Variants in MBD3L1 observed in about 807,000 individuals in gnomAD.
MBD3L1 encodes the protein methyl-CpG binding domain protein 3 like 1, also known as methyl-CpG-binding domain protein 3-like 1.
For missense variants in MBD3L1, 203 were observed against 230.1 expected (o/e 0.88, Z 0.76); for synonymous variants, 84 against 85.1 (o/e 0.99, Z 0.07).
chr19:8,837,902 A>G (rs569809807), intron 1 of MBD3L1, among the ~76,000 whole-genome samples: 37 of 152,248 alleles, frequency 2.4e-4, no homozygotes, highest in African/African-American at 8.7e-4. Flanking sequence ...AAGATGGAGC[A>G]GGCAGAGTTC....
chr19:8,840,066 C>G (rs958394864), intron 1 of MBD3L1, among the ~76,000 whole-genome samples: 1 of 151,832 alleles, frequency 6.6e-6, no homozygotes, highest in African/African-American at 2.4e-5. Flanking sequence ...TGCCTGTAAT[C>G]CCAGCTACTT....
chr19:8,839,506 A>C (rs572839609), intron 1 of MBD3L1, among the ~76,000 whole-genome samples: 1 of 152,144 alleles, frequency 6.6e-6, no homozygotes, highest in African/African-American at 2.4e-5. Flanking sequence ...GGCCATATTT[A>C]GATTTTCTAG....
At chr19:8,836,114 C>T (rs1015078870) in intron 1 of MBD3L1, among the ~76,000 whole-genome samples, 1 of 152,076 alleles carries the variant, frequency 6.6e-6, no homozygotes, top group Admixed American at 6.6e-5. Flanking sequence ...AACCATTTTA[C>T]ACAAAAGTGT....
At chr19:8,837,222 C>A (rs1375321243) in intron 1 of MBD3L1, among the ~76,000 whole-genome samples, 1 of 152,124 alleles carries the variant, frequency 6.6e-6, no homozygotes, top group Non-Finnish European at 1.5e-5. Context: ...ATCAACCCAG[C>A]AATTTTACAG....
intron 1 of MBD3L1, among the ~76,000 whole-genome samples, chr19:8,834,258 T>G (rs2044428390): frequency 6.6e-6 from 1 of 152,140 alleles, no homozygotes; most frequent in African/African-American, 2.4e-5. Flanking sequence ...AAGTTCACTG[T>G]GGAAAGACTG....
intron 1 of MBD3L1, among the ~76,000 whole-genome samples, chr19:8,838,524 T>A (rs927431641): frequency 6.6e-6 from 1 of 152,094 alleles, no homozygotes; most frequent in Non-Finnish European, 1.5e-5. Context: ...AACTCCTAGA[T>A]AAGCACCAAT....
intron 1 of MBD3L1, among the ~76,000 whole-genome samples, chr19:8,834,266 C>CT (rs1425890605): frequency 3.3e-5 from 5 of 152,298 alleles, no homozygotes; most frequent in Admixed American, 3.3e-4. Flanking sequence ...TGTGGAAAGA[C>CT]TGTTCTCTTC....
At chr19:8,837,318 A>G (rs2044465434) in intron 1 of MBD3L1, among the ~76,000 whole-genome samples, 1 of 152,230 alleles carries the variant, frequency 6.6e-6, no homozygotes, top group South Asian at 2.1e-4. Context: ...ATTAGTAACA[A>G]TGGCAAAATA....
Position 8,843,091 on chromosome 19 carries a change from G to A in MBD3L1, c.413G>A (p.Gly138Asp). ...GAGATAATTCCTGCAGAGGGAGTGG[G>A]TATCTCGCAGCTCCTCTGCAAACAA... ...AVEIIPAEGV[G>D]ISQLLCKQFL... is the part of the protein sequence containing the mutation. Residue 138 changes from glycine (G) to aspartate (D), a missense_variant, in exon 3 of 3, where the codon GGT becomes GAT. By Grantham distance (94) the Gly-to-Asp change is moderately conservative. Transcript: ENST00000595891. The A allele has an allele frequency of 6.2e-7, 1 of 1,613,886 alleles. No individual in the cohort carries two copies. The highest frequency in any genetic ancestry group is 8.5e-7 in the Non-Finnish European group (1 of 1,179,900).
In MBD3L1 at chr19:8,841,028, AT is replaced by A. The variant is rs35087324; in HGVS notation, c.-22+46del. On this transcript the variant is annotated intron_variant, in intron 2 of 2. Transcript: ENST00000595891. Reference sequence around the variant, plus strand: ...AGGAATTTTGGATTAATCTAAATGAATTTTTTTTTTTTTTTTTAGACAGGGT... The same window carrying A: ...AGGAATTTTGGATTAATCTAAATGAATTTTTTTTTTTTTTTTAGACAGGGT... 953 of 139,862 alleles carry A rather than the reference AT, an allele frequency of 6.8e-3. 1 individual carries two copies. Among genetic ancestry groups the A allele is most frequent in the Middle Eastern group, 0.014 (4 of 282 alleles). 8.7% of individuals were successfully genotyped at this position (139,862 alleles called of 1,614,324 possible).
chr19:8,842,640 C>A lies in MBD3L1; in HGVS notation c.-21-18C>A. ...TTCATTGATCAATTTGACCCCATTT[C>A]ATGATTTATTTTAATAGTGTAAGAG... On this transcript the variant is annotated intron_variant, in intron 2 of 2. Transcript: ENST00000595891. 6.4e-7 allele frequency: 1 copy of A among 1,553,276 alleles called. No individual in the cohort carries two copies. Among genetic ancestry groups the A allele is most frequent in the South Asian group, 1.2e-5 (1 of 85,752 alleles).
intron 1 of MBD3L1, among the ~76,000 whole-genome samples, chr19:8,839,944 G>T (rs1280274124): frequency 6.6e-6 from 1 of 152,124 alleles, no homozygotes; most frequent in Non-Finnish European, 1.5e-5. Flanking sequence ...AGCACTTTGG[G>T]AGGTTGAGGC....
intron 1 of MBD3L1, among the ~76,000 whole-genome samples, chr19:8,835,432 C>T (rs143070330): frequency 1.3e-5 from 2 of 152,150 alleles, no homozygotes; most frequent in Non-Finnish European, 2.9e-5. Flanking sequence ...AAAAGATGCT[C>T]GGCCCCATTA....
chr19:8,838,370 A>G (rs966511177), intron 1 of MBD3L1, among the ~76,000 whole-genome samples: 2 of 151,732 alleles, frequency 1.3e-5, no homozygotes, highest in Non-Finnish European at 2.9e-5. Flanking sequence ...GGAATTGCTA[A>G]GGATGGAGAT....
chr19:8,833,778 C>A (rs2044418226), intron 1 of MBD3L1, among the ~76,000 whole-genome samples: 1 of 152,096 alleles, frequency 6.6e-6, no homozygotes, highest in Admixed American at 6.5e-5. Flanking sequence ...CACCTGAGGT[C>A]AGGAGTTCGA....
At chr19:8,839,185 C>CTTTTCT (rs1555775796) in intron 1 of MBD3L1, among the ~76,000 whole-genome samples, 8 of 122,128 alleles carry the variant, frequency 6.6e-5, no homozygotes, top group African/African-American at 1.9e-4. Context: ...CTTTTCTTTT[C>CTTTTCT]TTTTTTTTTT....
Position 8,839,185 on chromosome 19 carries a change from C to CTTTTTT in MBD3L1, c.-106-1718_-106-1713dup, listed in dbSNP as rs57499698. On this transcript the variant is annotated intron_variant, in intron 1 of 2. Coordinates refer to ENST00000595891, the MANE Select transcript of MBD3L1 (RefSeq NM_001393532.1). ...GATTTTCTTTTTTTTCTTTTCTTTT[C>CTTTTTT]TTTTTTTTTTTTTTTTTGAGACAGA... Among the ~76,000 whole-genome samples the CTTTTTT allele has an allele frequency of 5.9e-3, 723 of 121,974 alleles. 1 individual carries two copies. Among genetic ancestry groups the CTTTTTT allele is most frequent in the Non-Finnish European group, 6.8e-3 (421 of 61,662 alleles). 80.0% of individuals were successfully genotyped at this position (121,974 alleles called of 152,430 possible). A position where few individuals can be genotyped will look rare whatever the true frequency, so the allele number is the denominator to read the frequency against.
At chr19:8,832,735 G>A (rs1333909635) in intron 1 of MBD3L1, among the ~76,000 whole-genome samples, 1 of 151,960 alleles carries the variant, frequency 6.6e-6, no homozygotes, top group Non-Finnish European at 1.5e-5. Flanking sequence ...GATGGTATAA[G>A]GCTTCTAGAG....
Position 8,842,903 on chromosome 19 carries a change from G to C in MBD3L1, c.225G>C (p.Gln75His). 6.2e-7 allele frequency: 1 copy of C among 1,614,222 alleles called. No individual in the cohort carries two copies. The highest frequency in any genetic ancestry group is 8.5e-7 in the Non-Finnish European group (1 of 1,180,044). The stretch of plus-strand genomic sequence containing the variant: ...GGCAGAGGAGACTGCAGGGACTCCA[G>C]GCTTACAGCAGTGCAGGAGAACTTT... ...VCWQRRLQGL[Q>H]AYSSAGELSS... The change falls in exon 3 of 3, where the codon CAG (glutamine) becomes CAC (histidine). Residue 75 changes from glutamine to histidine, a missense_variant. Physicochemically the swap from Gln to His is conservative, Grantham distance 24. Transcript: ENST00000595891.
Sources: gnomAD v4.1 joint callset for allele counts (sites outside exome capture counted in the v4.1 genomes callset) on GRCh38, gnomAD v4.1.1 for gene constraint, MANE v1.5 for transcripts, NCBI Gene and HGNC (gene_info 2026-07-23, HGNC 2026-07-21) for gene names.